Variants in KCNN1 observed in about 807,000 individuals in gnomAD.
The protein encoded by KCNN1 is small conductance calcium-activated potassium channel protein 1.
KCNN1 carries 20 observed loss-of-function variants against 44.7 expected under a neutral mutation model. The ratio of observed to expected loss-of-function variants is 0.45; its 90% CI spans 0.32 to 0.65. The LOEUF is 0.65. Among genes scored for constraint, KCNN1 ranks in the 30% least tolerant of loss-of-function variants. The pLI is 0.05. For synonymous variants in KCNN1, 324 were observed against 341.7 expected, an observed-to-expected ratio of 0.95 and a Z score of 0.57; for missense variants, 632 against 785.3, an observed-to-expected ratio of 0.80 and a Z score of 2.33.
At chr19:17,965,196 G>A (rs1203962640), upstream of KCNN1, among the ~76,000 whole-genome samples, 1 of 151,886 alleles carries the variant, frequency 6.6e-6, no homozygotes, top group African/African-American at 2.4e-5. Context: ...AACCCAGGAG[G>A]TGGAGGTTTA....
chr19:17,990,799 CAA>C (rs1252211442), intron 7 of KCNN1, among the ~76,000 whole-genome samples: 14 of 54,856 alleles, frequency 2.6e-4, no homozygotes, highest in Admixed American at 2.0e-4. Context: ...GACTCTGTCT[CAA>C]AAAAAAAAAA....
At position 17,967,275 on chromosome 19, in the gene KCNN1, C is replaced by T; in HGVS notation, c.-124C>T. 6 of 985,476 alleles carry T rather than the reference C, an allele frequency of 6.1e-6. No homozygotes were observed. Among genetic ancestry groups the T allele is most frequent in the Non-Finnish European group, 6.0e-6 (5 of 829,832 alleles). 61.0% of individuals were successfully genotyped at this position (985,476 alleles called of 1,614,324 possible). On this transcript the variant is annotated 5_prime_UTR_variant, in exon 1 of 10. Coordinates refer to ENST00000684775, the MANE Select transcript of KCNN1 (RefSeq NM_001386974.1). The stretch of plus-strand genomic sequence containing the variant: ...GGGGTCCGCGGCCGCGCGGGACCCT[C>T]TCCCCTCCAGCCTTGTCCGCCCGCT...
upstream of KCNN1, among the ~76,000 whole-genome samples, chr19:17,963,000 CTTTTTTT>C (rs71164332): frequency 2.4e-4 from 20 of 81,664 alleles, no homozygotes; most frequent in East Asian, 4.3e-4. Context: ...CACGCCCAGG[CTTTTTTT>C]TTTTTTTTTT....
At chr19:17,990,454 G>C (rs2032747738) in intron 7 of KCNN1, among the ~76,000 whole-genome samples, 1 of 148,060 alleles carries the variant, frequency 6.8e-6, no homozygotes, top group East Asian at 2.0e-4. Context: ...ACTGCACTCA[G>C]CTGGGTTACA....
intron 1 of KCNN1, chr19:17,951,538 C>A (rs893935958): frequency 6.6e-6 from 1 of 152,296 alleles, no homozygotes; most frequent in African/African-American, 2.4e-5. Context: ...CCCCGCGAGC[C>A]ACATTGTTCT....
intron 2 of KCNN1, among the ~76,000 whole-genome samples, chr19:17,958,550 A>T (rs2031599087): frequency 1.4e-5 from 2 of 147,476 alleles, no homozygotes; most frequent in African/African-American, 5.0e-5. Context: ...CAGTGATGCA[A>T]TCTCAGCTCA....
chr19:17,963,157 G>A (rs963337214), upstream of KCNN1, among the ~76,000 whole-genome samples: 4 of 151,112 alleles, frequency 2.6e-5, no homozygotes, highest in African/African-American at 7.3e-5. Context: ...ACAGGCGCCC[G>A]CCACCACGCC....
In KCNN1 at chr19:17,985,521, C is replaced by G. The variant is rs933707159; in HGVS notation, c.1059+68C>G. On this transcript the variant is annotated intron_variant, in intron 5 of 9. Transcript: ENST00000684775. The stretch of plus-strand genomic sequence containing the variant: ...CAGCTGCCCGCTCCACCAGCCCTTG[C>G]ATACCCCTTGCTGACAGGGTGCTCA... 3 of 1,427,306 alleles carry G rather than the reference C, an allele frequency of 2.1e-6. No individual in the cohort carries two copies. In the African/African-American group the frequency reaches 4.3e-5, roughly 20 times the overall value. The allele number at this position is 1,427,306 out of a possible 1,614,324, so 88.4% of individuals were successfully genotyped here.
intron 1 of KCNN1, among the ~76,000 whole-genome samples, chr19:17,973,166 G>C (rs995370947): frequency 6.6e-6 from 1 of 152,192 alleles, no homozygotes; most frequent in African/African-American, 2.4e-5. Flanking sequence ...ATCGGCTCTA[G>C]TTATGTTGTC....
In KCNN1 at chr19:17,998,610, TG is replaced by T; in HGVS notation, c.*206del. Reference sequence around the variant, plus strand: ...GGGCAGGGGAGCCCGGAGCTTCCTCTGGTCACCTGGTCCCCCGACTCTCCCC... The same window carrying T: ...GGGCAGGGGAGCCCGGAGCTTCCTCTGTCACCTGGTCCCCCGACTCTCCCC... On this transcript the variant is annotated 3_prime_UTR_variant, in exon 10 of 10. Transcript: ENST00000684775. This position sits in a 1 kb window ranked among gnomAD's most constrained non-coding sequence, Gnocchi z 5.4. 1 of 500,138 alleles carries T rather than the reference TG, an allele frequency of 2.0e-6. No homozygotes were observed. The highest frequency in any genetic ancestry group is 3.4e-6 in the Non-Finnish European group (1 of 294,852). The allele number at this position is 500,138 out of a possible 1,614,324, so 31.0% of individuals were successfully genotyped here. A position where few individuals can be genotyped will look rare whatever the true frequency, so the allele number is the denominator to read the frequency against.
chr19:17,998,588 C>A lies in KCNN1; in HGVS notation c.*182C>A. The A allele has an allele frequency of 3.4e-6, 2 of 585,362 alleles. No individual in the cohort carries two copies. Among genetic ancestry groups the A allele is most frequent in the Non-Finnish European group, 5.5e-6 (2 of 366,436 alleles). 36.3% of individuals were successfully genotyped at this position (585,362 alleles called of 1,614,324 possible). A position where few individuals can be genotyped will look rare whatever the true frequency, so the allele number is the denominator to read the frequency against. On this transcript the variant is annotated 3_prime_UTR_variant, in exon 10 of 10. Transcript: ENST00000684775. This position sits in a 1 kb window ranked among gnomAD's most constrained non-coding sequence, Gnocchi z 5.4. ...GGCAGGGCTGGACCATGGGTGAGGG[C>A]AGGGGAGCCCGGAGCTTCCTCTGGT...
rs763017360 is a variant in KCNN1, at chr19:17,981,798, C to T, written c.588C>T (p.Cys196=). ...VFLISLELAV[C]AIHPVPGHYR... is the part of the protein sequence containing the mutation. ...TCATCTCGCTAGAGCTGGCAGTGTGCGCCATTCACCCGGTGCCCGGCCACT... is the reference window on the plus strand; with the variant it reads ...TCATCTCGCTAGAGCTGGCAGTGTGTGCCATTCACCCGGTGCCCGGCCACT... The change falls in exon 4 of 10, where the codon TGC becomes TGT. Residue 196 remains cysteine, a synonymous_variant. Transcript: ENST00000684775. 9 of 1,613,038 alleles carry T rather than the reference C, an allele frequency of 5.6e-6. No homozygotes were observed. In the East Asian group the frequency reaches 8.9e-5, roughly 16 times the overall value.
At chr19:17,979,027 C>A (rs1443139412) in intron 3 of KCNN1, among the ~76,000 whole-genome samples, 1 of 150,602 alleles carries the variant, frequency 6.6e-6, no homozygotes, top group Admixed American at 6.7e-5. Context: ...CGCCACTGCA[C>A]ACCAGCCTGG....
At chr19:17,964,626 G>C (rs533434595), upstream of KCNN1, among the ~76,000 whole-genome samples, 1 of 152,172 alleles carries the variant, frequency 6.6e-6, no homozygotes, top group Non-Finnish European at 1.5e-5. The surrounding 1 kb of genome is among the most constrained non-coding windows in gnomAD (Gnocchi z 4.3). Flanking sequence ...TGCCTGGAAC[G>C]GAGACCCAGA....
chr19:17,986,640 C>T (rs2032606744), intron 5 of KCNN1, among the ~76,000 whole-genome samples: 1 of 152,166 alleles, frequency 6.6e-6, no homozygotes, highest in African/African-American at 2.4e-5. Flanking sequence ...TATGCCCATG[C>T]CAACAAACGC....
intron 9 of KCNN1, among the ~76,000 whole-genome samples, chr19:17,997,879 C>A (rs534163403): frequency 6.7e-6 from 1 of 149,276 alleles, no homozygotes; most frequent in East Asian, 2.0e-4. Context: ...GCATAGGTGA[C>A]GGAGGGAGTC....
At position 17,974,571 on chromosome 19, in the gene KCNN1, C is replaced by T. The variant is rs2032142642; in HGVS notation, c.402+281C>T. On this transcript the variant is annotated intron_variant, in intron 2 of 9. Transcript: ENST00000684775. This position sits in a 1 kb window ranked among gnomAD's most constrained non-coding sequence, Gnocchi z 7.3. The stretch of plus-strand genomic sequence containing the variant: ...GGCTTCCCCCCAGGACAGGGGTTCC[C>T]CAGAGTGGGCCTGCTCTGGGGAGCA... Among the ~76,000 whole-genome samples, 1 of 152,128 alleles carries T rather than the reference C, an allele frequency of 6.6e-6. No homozygotes were observed.
chr19:17,966,461 G>T (rs2031811929), upstream of KCNN1, among the ~76,000 whole-genome samples: 1 of 152,190 alleles, frequency 6.6e-6, no homozygotes, highest in Non-Finnish European at 1.5e-5. Context: ...ACAGTTTTGG[G>T]GACCCCCAGC....
intron 3 of KCNN1, among the ~76,000 whole-genome samples, chr19:17,980,575 G>C (rs2032370392): frequency 6.6e-6 from 1 of 152,092 alleles, no homozygotes; most frequent in Non-Finnish European, 1.5e-5. Flanking sequence ...GAACTAGAGA[G>C]TTTTGCATAC....
Sources: gnomAD v4.1 joint callset for allele counts (sites outside exome capture counted in the v4.1 genomes callset) on GRCh38, gnomAD v4.1.1 for gene constraint, Gnocchi (gnomAD v3.1) non-coding constraint, MANE v1.5 for transcripts, NCBI Gene and HGNC (gene_info 2026-07-23, HGNC 2026-07-21) for gene names.